Variants in SYNE1 observed in about 807,000 individuals in gnomAD.
SYNE1 encodes spectrin repeat containing nuclear envelope protein 1, also known as nesprin-1.
In SYNE1, 616 loss-of-function variants were observed where a neutral mutation model predicts 1,111.0. The ratio of observed to expected loss-of-function variants is 0.55; its 90% CI spans 0.52 to 0.59. The LOEUF is 0.59. Among genes scored for constraint, SYNE1 ranks in the 20% least tolerant of loss-of-function variants. SYNE1 has a pLI of 0.00. For missense variants in SYNE1, 10,006 were observed against 10,417.0 expected, an observed-to-expected ratio of 0.96 and a Z score of 1.72; for synonymous variants, 3,855 against 3,825.8, an observed-to-expected ratio of 1.01 and a Z score of -0.28.
chr6:152,464,028 T>C (rs1661491522), intron 18 of SYNE1, among the ~76,000 whole-genome samples: 1 of 152,234 alleles, frequency 6.6e-6, no homozygotes, highest in Non-Finnish European at 1.5e-5. Context: ...TAATAATTTC[T>C]TTTTGACCTG....
intron 104 of SYNE1, among the ~76,000 whole-genome samples, chr6:152,253,824 T>TTG (rs2090080337): frequency 1.8e-5 from 1 of 54,184 alleles, no homozygotes; most frequent in Non-Finnish European, 3.0e-5. Flanking sequence ...TTTGGTTTTT[T>TTG]TTTTTTTTTT....
rs753602210 is a variant in SYNE1 at position 152,326,614 on chromosome 6, T to C, written c.14975A>G (p.Tyr4992Cys). ...CTGATAATACCTTTGACACTGGCTA[T>C]ATATTTCAGTCAAGGTAGCCTGAAA... The part of the protein sequence containing the change: ...RTRQATLTEI[Y>C]SQCQRYYQVF... Residue 4992 changes from tyrosine (Y) to cysteine (C), a missense_variant, in exon 79 of 146, where the codon TAT (tyrosine) becomes TGT (cysteine). Physicochemically the swap from Tyr to Cys is radical, Grantham distance 194. Around this residue, in one of 7 missense-constraint regions of SYNE1, gnomAD observed 4,955 missense variants for 5,017.2 expected, o/e 0.99. Transcript: ENST00000367255. 3.1e-6 allele frequency: 5 copies of C among 1,613,868 alleles called. No individual in the cohort carries two copies. The highest frequency in any genetic ancestry group is 2.2e-5 in the East Asian group (1 of 44,896).
Position 152,225,799 on chromosome 6 carries a change from G to A in SYNE1, c.21273C>T (p.Asn7091=), listed in dbSNP as rs772396355. Residue 7091 remains asparagine (N), a synonymous_variant, in exon 116 of 146, where the codon AAC becomes AAT. Transcript: ENST00000367255. ...CAATGCTAGAGACGTCTTCTTTCTT[G>A]TTCTGAATCAAAGCAAGTCCATTCT... ...IEQNGLALIQ[N]KKEDVSSIVM... is the part of the protein sequence containing the mutation. 2 of 1,614,030 alleles carry A rather than the reference G, an allele frequency of 1.2e-6. No homozygotes were observed. Among genetic ancestry groups the A allele is most frequent in the Non-Finnish European group, 1.7e-6 (2 of 1,179,988 alleles).
rs2098771749 is a variant in SYNE1 at position 152,466,786 on chromosome 6, T to A, written c.1633-708A>T. 2.0e-5 allele frequency among the ~76,000 whole-genome samples: 3 copies of A among 152,138 alleles called. No individual in the cohort carries two copies. In the South Asian group the frequency reaches 6.2e-4, roughly 31 times the overall value. On this transcript the variant is annotated intron_variant, in intron 16 of 145. Transcript: ENST00000367255. ...ATAAAATAATGTGCGTTTCAAAGAT[T>A]ATTATTACTTCTTGAAAGTAGAAAA...
At chr6:152,282,572 C>T (rs780819012) in intron 96 of SYNE1, among the ~76,000 whole-genome samples, 3 of 152,026 alleles carry the variant, frequency 2.0e-5, no homozygotes, top group Non-Finnish European at 4.4e-5. Flanking sequence ...CGACGTCAAT[C>T]GCTTCATTTT....
At chr6:152,139,817 A>G in intron 140 of SYNE1, 133 bp downstream of exon 140, 1 of 870,682 alleles carries the variant, frequency 1.1e-6, no homozygotes, top group Non-Finnish European at 1.9e-6. Flanking sequence ...TGAGGAGAGC[A>G]TTCTCACTCA....
chr6:152,140,756 A>G (rs1354323451), intron 139 of SYNE1, among the ~76,000 whole-genome samples: 6 of 152,124 alleles, frequency 3.9e-5, no homozygotes, highest in Non-Finnish European at 8.8e-5. Context: ...ACTGTTGGCC[A>G]GGTGTGGTGG....
intron 8 of SYNE1, among the ~76,000 whole-genome samples, chr6:152,506,632 C>A (rs948908877): frequency 3.3e-5 from 5 of 151,990 alleles, no homozygotes; most frequent in African/African-American, 4.8e-5. Flanking sequence ...ACCTCCACCC[C>A]CCAGGCTCAA....
At chr6:152,405,351 C>T (rs1022060233) in intron 45 of SYNE1, among the ~76,000 whole-genome samples, 1 of 152,146 alleles carries the variant, frequency 6.6e-6, no homozygotes, top group Non-Finnish European at 1.5e-5. Flanking sequence ...CTACAAAGAG[C>T]CCTGATTTGT....
At chr6:152,423,839 G>T (rs559464700) in intron 39 of SYNE1, among the ~76,000 whole-genome samples, 1 of 152,156 alleles carries the variant, frequency 6.6e-6, no homozygotes, top group African/African-American at 2.4e-5. Context: ...TGCCATTTTT[G>T]CTCCCTTTGC....
At chr6:152,455,854 C>T in intron 23 of SYNE1, 32 bp downstream of exon 23, 1 of 1,613,794 alleles carries the variant, frequency 6.2e-7, no homozygotes, top group African/African-American at 1.3e-5. Context: ...TTTTCCCTGG[C>T]TCACAGCTCT....
At position 152,177,324 on chromosome 6, in the gene SYNE1, T is replaced by G. The variant is rs1586926241; in HGVS notation, c.23461-764A>C. Among the ~76,000 whole-genome samples the G allele has an allele frequency of 4.6e-5, 7 of 152,200 alleles. No individual in the cohort carries two copies. The South Asian group carries it at 1.5e-3, about 32-fold the overall frequency. On this transcript the variant is annotated intron_variant, in intron 129 of 145. Coordinates refer to ENST00000367255, the MANE Select transcript of SYNE1 (RefSeq NM_182961.4). ...AACTGACGATGAAAGGACAATCCCCTCCCCCTGACTGCCACTGCTATCCCC... is the reference window on the plus strand; with the variant it reads ...AACTGACGATGAAAGGACAATCCCCGCCCCCTGACTGCCACTGCTATCCCC...
In SYNE1 at chr6:152,249,320, G is replaced by A. The variant is rs565986307; in HGVS notation, c.19471-58C>T. 133 of 944,558 alleles carry A rather than the reference G, an allele frequency of 1.4e-4. 2 individuals carry two copies. The South Asian group carries it at 1.5e-3, about 11-fold the overall frequency. The allele number at this position is 944,558 out of a possible 1,614,324, so 58.5% of individuals were successfully genotyped here. A position where few individuals can be genotyped will look rare whatever the true frequency, so the allele number is the denominator to read the frequency against. ...GTGTAACAGGGAATTCAAAATACTT[G>A]TAAATATAACACAGATTCTAAGAAA... On this transcript the variant is annotated intron_variant, in intron 104 of 145. Transcript: ENST00000367255.
intron 101 of SYNE1, among the ~76,000 whole-genome samples, chr6:152,260,012 C>T (rs1013182480): frequency 2.0e-5 from 3 of 152,098 alleles, no homozygotes; most frequent in African/African-American, 2.4e-5. Flanking sequence ...GCATGGAGGA[C>T]GCTGGAGTGT....
chr6:152,632,168 T>C (rs1465311679), intron 2 of SYNE1, among the ~76,000 whole-genome samples: 1 of 152,188 alleles, frequency 6.6e-6, no homozygotes, highest in Admixed American at 6.5e-5. Context: ...GCTATAACAT[T>C]GCAAAATCTC....
chr6:152,615,091 G>A (rs745450492), intron 3 of SYNE1, among the ~76,000 whole-genome samples: 9 of 151,938 alleles, frequency 5.9e-5, no homozygotes, highest in Non-Finnish European at 1.3e-4. Context: ...GTATAAACCT[G>A]CACATGTACC....
At chr6:152,367,180 T>C in intron 62 of SYNE1, 38 bp downstream of exon 62, 1 of 1,613,946 alleles carries the variant, frequency 6.2e-7, no homozygotes, top group Non-Finnish European at 8.5e-7. Context: ...AAAAACAAAT[T>C]CTGTAGGTTG....
At chr6:152,530,123 G>T (rs544738963) in intron 4 of SYNE1, among the ~76,000 whole-genome samples, 3 of 152,144 alleles carry the variant, frequency 2.0e-5, no homozygotes, top group Admixed American at 6.5e-5. Flanking sequence ...GCCAGCCAAG[G>T]TCTATTCTTA....
intron 3 of SYNE1, among the ~76,000 whole-genome samples, chr6:152,618,415 T>A (rs190437437): frequency 2.8e-4 from 42 of 152,258 alleles, no homozygotes; most frequent in African/African-American, 9.1e-4. Context: ...AGATAGGTCC[T>A]GAGAATCTCA....
Sources: allele counts gnomAD v4.1 joint callset (sites outside exome capture counted in the v4.1 genomes callset), GRCh38; gene constraint gnomAD v4.1.1; regional missense constraint gnomAD v4.1.1; transcripts MANE v1.5; gene names NCBI Gene and HGNC (gene_info 2026-07-23, HGNC 2026-07-21).